Variants in GRIK2 observed in about 807,000 individuals in gnomAD.
GRIK2 encodes the protein glutamate receptor ionotropic, kainate 2.
Under a neutral mutation model 100.3 loss-of-function variants are expected in GRIK2, and 32 were observed. The observed-to-expected ratio is 0.32, with a 90% CI of 0.24 to 0.43. GRIK2 has a LOEUF of 0.43. Among genes scored for constraint, GRIK2 ranks in the 20% least tolerant of loss-of-function variants. The pLI is 1.00. For missense variants in GRIK2, 843 were observed against 1,114.9 expected (o/e 0.76, Z 3.47); for synonymous variants, 417 against 389.4 (o/e 1.07, Z -0.83).
rs569155650 is a variant in GRIK2 at position 101,827,047 on chromosome 6, C to T, written c.1317+8564C>T. Among the ~76,000 whole-genome samples, 13 of 151,736 alleles carry T rather than the reference C, an allele frequency of 8.6e-5. No homozygotes were observed. In the South Asian group the frequency reaches 2.7e-3, roughly 31 times the overall value. On this transcript the variant is annotated intron_variant, in intron 10 of 16. Transcript: ENST00000369134. The stretch of plus-strand genomic sequence containing the variant: ...GAAGTTATTCTCATCTTCCCAAATC[C>T]CAGTAGATTTTCTATAGTTACAGGA...
chr6:101,963,927 A>G (rs1223045), intron 14 of GRIK2, among the ~76,000 whole-genome samples: 72,889 of 151,696 alleles, frequency 0.48, 17,868 homozygotes, highest in African/African-American at 0.58. Flanking sequence ...GAACTTCAGA[A>G]TTCTCAGTTC....
Position 102,012,436 on chromosome 6 carries a change from A to G in GRIK2, c.2086-22905A>G, listed in dbSNP as rs139114214. Among the ~76,000 whole-genome samples the G allele has an allele frequency of 9.2e-5, 14 of 152,310 alleles. No homozygotes were observed. In the East Asian group the frequency reaches 2.7e-3, roughly 29 times the overall value. The stretch of plus-strand genomic sequence containing the variant: ...TGTTGACTTTATAGATAAAGTTGAA[A>G]AAAACTGACACCTTCACAATATTGA... On this transcript the variant is annotated intron_variant, in intron 14 of 16. Coordinates refer to ENST00000369134, the MANE Select transcript of GRIK2 (RefSeq NM_021956.5).
intron 12 of GRIK2, among the ~76,000 whole-genome samples, chr6:101,892,951 T>A (rs1289249796): frequency 1.3e-5 from 2 of 151,364 alleles, no homozygotes; most frequent in African/African-American, 4.8e-5. Context: ...AAAAATCAAA[T>A]GAATTTGTTT....
chr6:101,639,400 A>T (rs563780858), intron 4 of GRIK2, among the ~76,000 whole-genome samples: 1 of 152,288 alleles, frequency 6.6e-6, no homozygotes, highest in South Asian at 2.1e-4. Context: ...CTAGGTTTAA[A>T]TTTAATCCAG....
At chr6:101,975,470 T>G (rs952185849) in intron 14 of GRIK2, among the ~76,000 whole-genome samples, 1 of 151,872 alleles carries the variant, frequency 6.6e-6, no homozygotes, top group Non-Finnish European at 1.5e-5. Flanking sequence ...AAGGGCTTGT[T>G]GTAAGAAAAG....
chr6:101,870,397 C>T (rs960244796), intron 11 of GRIK2, among the ~76,000 whole-genome samples: 1 of 151,756 alleles, frequency 6.6e-6, no homozygotes, highest in Non-Finnish European at 1.5e-5. Context: ...TATAAAACTA[C>T]TTATAATCAG....
intron 7 of GRIK2, among the ~76,000 whole-genome samples, chr6:101,718,365 A>C (rs1774213526): frequency 6.6e-6 from 1 of 151,932 alleles, no homozygotes. Flanking sequence ...TTTATTATAA[A>C]CACTTCTATG....
chr6:102,024,925 G>T (rs1353591800), intron 14 of GRIK2, among the ~76,000 whole-genome samples: 4 of 146,934 alleles, frequency 2.7e-5, no homozygotes, highest in Non-Finnish European at 3.0e-5. Flanking sequence ...CATGTGCCAT[G>T]ATATATATAT....
chr6:101,795,388 C>A (rs1780225652), intron 7 of GRIK2, among the ~76,000 whole-genome samples: 1 of 152,030 alleles, frequency 6.6e-6, no homozygotes, highest in South Asian at 2.1e-4. Flanking sequence ...TGTAGGAGTG[C>A]CAGGTAGTTC....
intron 7 of GRIK2, among the ~76,000 whole-genome samples, chr6:101,726,290 G>A (rs1774859503): frequency 6.6e-6 from 1 of 152,016 alleles, no homozygotes; most frequent in South Asian, 2.1e-4. Flanking sequence ...CTAGTGCAAA[G>A]ATAGTGTCTG....
intron 14 of GRIK2, among the ~76,000 whole-genome samples, chr6:101,937,082 T>C (rs1308391926): frequency 6.6e-6 from 1 of 152,154 alleles, no homozygotes; most frequent in African/African-American, 2.4e-5. Flanking sequence ...CCTTTTCTAA[T>C]TGCTACATTT....
chr6:101,480,485 G>C (rs1772470576), intron 2 of GRIK2, among the ~76,000 whole-genome samples: 1 of 151,776 alleles, frequency 6.6e-6, no homozygotes, highest in African/African-American at 2.4e-5. Context: ...TACTACAAAG[G>C]AAATTTTGTT....
At chr6:102,020,270 A>C (rs1405215674) in intron 14 of GRIK2, among the ~76,000 whole-genome samples, 2 of 151,968 alleles carry the variant, frequency 1.3e-5, no homozygotes, top group Non-Finnish European at 2.9e-5. Context: ...GATACATGTT[A>C]AAACATTGTA....
At chr6:101,864,591 G>A (rs1467141792) in intron 11 of GRIK2, among the ~76,000 whole-genome samples, 2 of 152,104 alleles carry the variant, frequency 1.3e-5, no homozygotes, top group East Asian at 3.8e-4. Flanking sequence ...CATTGCATAG[G>A]CCTTAATGTG....
intron 7 of GRIK2, among the ~76,000 whole-genome samples, chr6:101,764,650 CATT>C (rs1165559579): frequency 1.3e-5 from 2 of 152,136 alleles, no homozygotes; most frequent in African/African-American, 4.8e-5. Context: ...TCATTATCAT[CATT>C]GTTATTATTT....
intron 4 of GRIK2, among the ~76,000 whole-genome samples, chr6:101,636,178 A>G (rs1489819850): frequency 6.6e-6 from 1 of 152,220 alleles, no homozygotes; most frequent in Non-Finnish European, 1.5e-5. Context: ...CATAAAAAAA[A>G]GGATGAGTTC....
chr6:101,807,177 A>C (rs536384207), intron 9 of GRIK2, among the ~76,000 whole-genome samples: 30 of 152,004 alleles, frequency 2.0e-4, no homozygotes, highest in Admixed American at 1.6e-3. Flanking sequence ...CTCCAACATG[A>C]GGACAGGGAA....
chr6:101,496,595 C>A (rs1773461501), intron 2 of GRIK2, among the ~76,000 whole-genome samples: 1 of 152,034 alleles, frequency 6.6e-6, no homozygotes, highest in Non-Finnish European at 1.5e-5. Context: ...TTTCAGTGAC[C>A]AAGATAAACA....
intron 7 of GRIK2, among the ~76,000 whole-genome samples, chr6:101,700,368 C>T (rs142936706): frequency 4.0e-5 from 6 of 151,804 alleles, no homozygotes; most frequent in South Asian, 2.1e-4. Context: ...AACTGAATCT[C>T]AAGTATAAAT....
Sources: gnomAD v4.1 joint callset for allele counts (sites outside exome capture counted in the v4.1 genomes callset) on GRCh38, gnomAD v4.1.1 for gene constraint, MANE v1.5 for transcripts, NCBI Gene and HGNC (gene_info 2026-07-23, HGNC 2026-07-21) for gene names.